DOCK3: variants seen among roughly 807,000 people sequenced by gnomAD.
DOCK3 encodes dedicator of cytokinesis protein 3.
DOCK3 carries 60 observed loss-of-function variants against 265.6 expected under a neutral mutation model. That is an observed-to-expected ratio of 0.23 (90% CI 0.18 to 0.28). The LOEUF (loss-of-function observed/expected upper bound fraction) is 0.28, where lower values mean the gene tolerates loss of function less well. Among genes scored for constraint, DOCK3 ranks in the 10% least tolerant of loss-of-function variants. The pLI is 1.00. For synonymous variants in DOCK3, 881 were observed against 938.0 expected, an observed-to-expected ratio of 0.94 and a Z score of 1.11; for missense variants, 1,981 against 2,594.3, an observed-to-expected ratio of 0.76 and a Z score of 5.14.
At chr3:50,911,749 G>A (rs144716719) in intron 4 of DOCK3, among the ~76,000 whole-genome samples, 3 of 152,086 alleles carry the variant, frequency 2.0e-5, no homozygotes, top group African/African-American at 7.2e-5. Flanking sequence ...CATGGAATCT[G>A]CAGATTGCTT....
intron 1 of DOCK3, among the ~76,000 whole-genome samples, chr3:50,756,454 T>C (rs1239430855): frequency 6.6e-6 from 1 of 152,156 alleles, no homozygotes; most frequent in Non-Finnish European, 1.5e-5. Context: ...CTAACAGATA[T>C]ATCACATTTT....
intron 6 of DOCK3, among the ~76,000 whole-genome samples, chr3:51,069,292 C>T (rs2081751518): frequency 1.3e-5 from 2 of 152,052 alleles, no homozygotes; most frequent in Admixed American, 1.3e-4. Flanking sequence ...TTAATTATAT[C>T]TACTCCAAAT....
Position 51,041,162 on chromosome 3 carries a change from GTATATATATATATATATATATATATA to G in DOCK3, c.316-23268_316-23243del, listed in dbSNP as rs1167854334. Among the ~76,000 whole-genome samples the G allele has an allele frequency of 1.1e-3, 33 of 30,880 alleles. No homozygotes were observed. The South Asian group carries it at 0.016, about 15-fold the overall frequency. The allele number at this position is 30,880 out of a possible 152,430, so 20.3% of individuals were successfully genotyped here. A position where few individuals can be genotyped will look rare whatever the true frequency, so the allele number is the denominator to read the frequency against. ...TATGGCACCTACAGCCTTACAAAAT[GTATATATATATATATATATATATATA>G]TATATATATATATATATTTTTTTTT... On this transcript the variant is annotated intron_variant, in intron 5 of 52. Transcript: ENST00000266037.
intron 51 of DOCK3, among the ~76,000 whole-genome samples, chr3:51,378,358 G>A (rs1257133363): frequency 6.6e-6 from 1 of 152,222 alleles, no homozygotes; most frequent in Non-Finnish European, 1.5e-5. Context: ...TCCCTGGACA[G>A]CTGAGGGGGC....
At chr3:50,814,240 T>A (rs1226149431) in intron 2 of DOCK3, among the ~76,000 whole-genome samples, 2 of 152,122 alleles carry the variant, frequency 1.3e-5, no homozygotes, top group Non-Finnish European at 2.9e-5. Flanking sequence ...CATGATAAAA[T>A]TATTAAAAGG....
chr3:50,790,173 TTTACCTTAA>T (rs2108596333), intron 2 of DOCK3, among the ~76,000 whole-genome samples: 2 of 152,350 alleles, frequency 1.3e-5, no homozygotes, highest in African/African-American at 4.8e-5. Flanking sequence ...TTTCCACCTT[TTTACCTTAA>T]GTTTATATGA....
At chr3:51,156,457 G>A (rs1041353534) in intron 10 of DOCK3, among the ~76,000 whole-genome samples, 1 of 151,900 alleles carries the variant, frequency 6.6e-6, no homozygotes, top group Non-Finnish European at 1.5e-5. Flanking sequence ...TACAGGTCAT[G>A]TGAGTAATAT....
At chr3:50,798,664 AT>A (rs2042916897) in intron 2 of DOCK3, among the ~76,000 whole-genome samples, 1 of 151,622 alleles carries the variant, frequency 6.6e-6, no homozygotes, top group African/African-American at 2.4e-5. Flanking sequence ...GTTTCAGAAT[AT>A]TTTCTCCCAT....
Position 50,675,394 on chromosome 3 carries a change from C to T in DOCK3, c.37+94C>T. 23 of 1,084,852 alleles carry T rather than the reference C, an allele frequency of 2.1e-5. No homozygotes were observed. The highest frequency in any genetic ancestry group is 2.6e-5 in the Non-Finnish European group (23 of 869,108). The allele number at this position is 1,084,852 out of a possible 1,614,324, so 67.2% of individuals were successfully genotyped here. ...GATTCGCATCCTCGTGCCCCCGCCA[C>T]TGCCCGCAGGCTGCGCGGCCTCGGC... On this transcript the variant is annotated intron_variant, in intron 1 of 52. Coordinates refer to ENST00000266037, the MANE Select transcript of DOCK3 (RefSeq NM_004947.5). This position sits in a 1 kb window ranked among gnomAD's most constrained non-coding sequence, Gnocchi z 6.1.
intron 3 of DOCK3, among the ~76,000 whole-genome samples, chr3:50,844,307 G>A (rs1263769362): frequency 1.3e-5 from 2 of 152,112 alleles, no homozygotes; most frequent in South Asian, 2.1e-4. Context: ...TCTCGAACTC[G>A]TGAGCTTAGG....
chr3:51,301,403 T>G (rs2082354435), intron 27 of DOCK3, among the ~76,000 whole-genome samples: 2 of 152,178 alleles, frequency 1.3e-5, no homozygotes, highest in South Asian at 4.2e-4. Flanking sequence ...TGTCTCTATC[T>G]CCTTTAGTTC....
At chr3:51,040,447 A>G (rs2080437317) in intron 5 of DOCK3, among the ~76,000 whole-genome samples, 1 of 152,284 alleles carries the variant, frequency 6.6e-6, no homozygotes, top group African/African-American at 2.4e-5. Flanking sequence ...AAAAAATGCT[A>G]ATTATCATCT....
chr3:50,810,809 G>C (rs1192635275), intron 2 of DOCK3, among the ~76,000 whole-genome samples: 1 of 152,142 alleles, frequency 6.6e-6, no homozygotes, highest in Admixed American at 6.5e-5. Context: ...CAGAACAGTA[G>C]TTGCTTACTG....
intron 2 of DOCK3, among the ~76,000 whole-genome samples, chr3:50,819,463 C>T (rs538568621): frequency 5.9e-5 from 9 of 152,240 alleles, no homozygotes; most frequent in Non-Finnish European, 7.3e-5. Context: ...ACACACTATT[C>T]CTTAGATTAG....
chr3:51,214,830 A>T (rs1294042071), intron 14 of DOCK3, among the ~76,000 whole-genome samples: 2 of 152,166 alleles, frequency 1.3e-5, no homozygotes, highest in African/African-American at 4.8e-5. Context: ...CAGGGCAGAA[A>T]TTGGGAATGC....
At chr3:51,284,081 G>T (rs905566648) in intron 27 of DOCK3, among the ~76,000 whole-genome samples, 2 of 152,112 alleles carry the variant, frequency 1.3e-5, no homozygotes, top group African/African-American at 4.8e-5. Flanking sequence ...TTCTCCCCTA[G>T]CTCATCCCAG....
At chr3:50,766,514 G>A (rs1414295184) in intron 1 of DOCK3, among the ~76,000 whole-genome samples, 2 of 151,920 alleles carry the variant, frequency 1.3e-5, no homozygotes, top group Non-Finnish European at 2.9e-5. Flanking sequence ...TCTTAATTCA[G>A]TCTATCATTG....
chr3:50,729,193 GT>G (rs2038032690), intron 1 of DOCK3, among the ~76,000 whole-genome samples: 5 of 147,976 alleles, frequency 3.4e-5, no homozygotes. Flanking sequence ...TGGTGATGTG[GT>G]GTGCCTGTAT....
At position 51,323,495 on chromosome 3, in the gene DOCK3, TAACA is replaced by T. The variant is rs1298741289; in HGVS notation, c.3403-6638_3403-6635del. On this transcript the variant is annotated intron_variant, in intron 32 of 52. Coordinates refer to ENST00000266037, the MANE Select transcript of DOCK3 (RefSeq NM_004947.5). ...GGCAAATGCAAGAGAATGGAAATCA[TAACA>T]AACAGTCTCTCAGACCACAGATTAA... Among the ~76,000 whole-genome samples the T allele has an allele frequency of 8.5e-5, 13 of 152,216 alleles. No homozygotes were observed. In the South Asian group the frequency reaches 1.2e-3, roughly 15 times the overall value.
Sources: gnomAD v4.1 joint callset for allele counts (sites outside exome capture counted in the v4.1 genomes callset) on GRCh38, gnomAD v4.1.1 for gene constraint, Gnocchi (gnomAD v3.1) non-coding constraint, MANE v1.5 for transcripts, NCBI Gene and HGNC (gene_info 2026-07-23, HGNC 2026-07-21) for gene names.